The following CATSPERE variants were observed in gnomAD, a reference collection of about 807,000 sequenced individuals.
The protein encoded by CATSPERE is cation channel sperm-associated auxiliary subunit epsilon.
A neutral mutation model predicts 114.1 loss-of-function variants in CATSPERE; 93 were observed. The ratio of observed to expected loss-of-function variants is 0.81; its 90% CI spans 0.69 to 0.97. The LOEUF (loss-of-function observed/expected upper bound fraction) is 0.97, where lower values mean the gene tolerates loss of function less well. Ranked by LOEUF, CATSPERE falls within the 50% of genes least tolerant of loss-of-function variation. CATSPERE has a pLI of 0.00. For missense variants in CATSPERE, 1,058 were observed against 1,131.6 expected, an observed-to-expected ratio of 0.93 and a Z score of 0.93; for synonymous variants, 341 against 384.1, an observed-to-expected ratio of 0.89 and a Z score of 1.31.
At chr1:244,625,353 G>C (rs1185836886) in intron 20 of CATSPERE, among the ~76,000 whole-genome samples, 1 of 46,570 alleles carries the variant, frequency 2.1e-5, no homozygotes, top group Non-Finnish European at 5.7e-5. Flanking sequence ...TTTGTTTTTT[G>C]GGGGGGTTTA....
At chr1:244,527,398 C>G (rs963128447) in intron 8 of CATSPERE, among the ~76,000 whole-genome samples, 1 of 152,224 alleles carries the variant, frequency 6.6e-6, no homozygotes. Context: ...AAATATGGCT[C>G]TGTTCCGCCC....
intron 7 of CATSPERE, among the ~76,000 whole-genome samples, chr1:244,510,755 A>T (rs1051208292): frequency 6.9e-6 from 1 of 145,768 alleles, no homozygotes; most frequent in African/African-American, 2.5e-5. Context: ...CTCCCTTTAG[A>T]TGTAATTATA....
intron 2 of CATSPERE, among the ~76,000 whole-genome samples, chr1:244,469,199 T>A (rs1668069147): frequency 6.6e-6 from 1 of 152,196 alleles, no homozygotes; most frequent in Non-Finnish European, 1.5e-5. Flanking sequence ...TGAACTTACA[T>A]CTTTGAAACT....
intron 19 of CATSPERE, among the ~76,000 whole-genome samples, chr1:244,612,710 G>T (rs2148696840): frequency 6.6e-6 from 1 of 152,252 alleles, no homozygotes; most frequent in African/African-American, 2.4e-5. Context: ...TGCCCAGGCT[G>T]GAGTGCAGTG....
intron 8 of CATSPERE, among the ~76,000 whole-genome samples, chr1:244,546,275 C>T (rs982731750): frequency 2.6e-5 from 4 of 152,280 alleles, no homozygotes; most frequent in African/African-American, 7.2e-5. Context: ...TCAGTGGCTG[C>T]CATGGTCATA....
chr1:244,553,107 A>G (rs1294770876), intron 9 of CATSPERE, among the ~76,000 whole-genome samples: 1 of 152,202 alleles, frequency 6.6e-6, no homozygotes, highest in African/African-American at 2.4e-5. Context: ...TCCCCAAACA[A>G]AGATTATATG....
chr1:244,463,217 T>G (rs964117848), intron 1 of CATSPERE, among the ~76,000 whole-genome samples: 5 of 152,200 alleles, frequency 3.3e-5, no homozygotes, highest in African/African-American at 1.2e-4. Context: ...TAAAATTAAT[T>G]TCACCCATTT....
At chr1:244,461,269 G>C (rs770253769), upstream of CATSPERE, 1 of 531,134 alleles carries the variant, frequency 1.9e-6, no homozygotes. Context: ...GCACGCGCAC[G>C]CGCACACTTC....
chr1:244,509,642 A>C lies in CATSPERE; in HGVS notation c.430-8950A>C, dbSNP rs541893837. 3.3e-5 allele frequency among the ~76,000 whole-genome samples: 5 copies of C among 152,272 alleles called. No individual in the cohort carries two copies. In the South Asian group the frequency reaches 8.3e-4, roughly 25 times the overall value. On this transcript the variant is annotated intron_variant, in intron 7 of 21. Transcript: ENST00000366534. ...CCTTCAAATTTTTGGAATAGTTTGC[A>C]GAGAACCGATATTAGTTATTCTTTA...
chr1:244,557,370 G>T (rs1661741882), intron 9 of CATSPERE, among the ~76,000 whole-genome samples: 1 of 150,168 alleles, frequency 6.7e-6, no homozygotes, highest in African/African-American at 2.4e-5. Flanking sequence ...AAGAATATGA[G>T]ATATCTTTCC....
At chr1:244,639,878 A>G (rs1274553732) in intron 21 of CATSPERE, 50 bp from the exon 22 acceptor site, 1 of 1,483,792 alleles carries the variant, frequency 6.7e-7, no homozygotes, top group Non-Finnish European at 9.0e-7. Context: ...TTAACAGCCA[A>G]AGTGTGAACA....
chr1:244,620,879 G>A (rs553965696), intron 20 of CATSPERE, among the ~76,000 whole-genome samples: 6 of 150,400 alleles, frequency 4.0e-5, no homozygotes, highest in African/African-American at 1.2e-4. Context: ...TAGGACAAAG[G>A]AGGACAAGTG....
intron 8 of CATSPERE, among the ~76,000 whole-genome samples, chr1:244,541,309 A>T (rs1658674486): frequency 6.7e-6 from 1 of 149,300 alleles, no homozygotes; most frequent in South Asian, 2.1e-4. Context: ...CAAATTTACA[A>T]GAAAAAAACA....
At chr1:244,539,940 A>ATT (rs74162769) in intron 8 of CATSPERE, among the ~76,000 whole-genome samples, 2 of 151,070 alleles carry the variant, frequency 1.3e-5, no homozygotes, top group Non-Finnish European at 1.5e-5. Flanking sequence ...GGATTCATTA[A>ATT]TTTTTTTGAA....
At chr1:244,473,100 G>A (rs752854238) in intron 2 of CATSPERE, among the ~76,000 whole-genome samples, 4 of 152,140 alleles carry the variant, frequency 2.6e-5, no homozygotes, top group Admixed American at 6.6e-5. Flanking sequence ...ACAGGTTTTC[G>A]TGTGGACCCC....
At chr1:244,519,941 C>A (rs1043615735) in intron 8 of CATSPERE, among the ~76,000 whole-genome samples, 4 of 152,178 alleles carry the variant, frequency 2.6e-5, no homozygotes, top group African/African-American at 9.7e-5. Context: ...ACTATGATAA[C>A]CCTCACTCAC....
At chr1:244,521,789 C>A (rs570463147) in intron 8 of CATSPERE, among the ~76,000 whole-genome samples, 1 of 152,258 alleles carries the variant, frequency 6.6e-6, no homozygotes, top group African/African-American at 2.4e-5. Context: ...TTGATGAATA[C>A]ATGACCTGAT....
chr1:244,609,483 C>T (rs375735462), intron 18 of CATSPERE, among the ~76,000 whole-genome samples: 7 of 151,596 alleles, frequency 4.6e-5, no homozygotes, highest in East Asian at 1.9e-4. Context: ...CCCGAGTAGC[C>T]GGGGTTACAG....
At position 244,517,828 on chromosome 1, in the gene CATSPERE, A is replaced by G. The variant is rs3006047; in HGVS notation, c.430-764A>G. ...TCTTCAGGAAAGGCCTTCCCTGACC[A>G]TTATTCCTACTTCCCACAATGGGTT... is the stretch of plus-strand genomic sequence containing the variant. On this transcript the variant is annotated intron_variant, in intron 7 of 21. Transcript: ENST00000366534. Among the ~76,000 whole-genome samples the G allele has an allele frequency of 7.3e-3, 1,104 of 151,874 alleles. 25 individuals carry two copies. Among genetic ancestry groups the G allele is most frequent in the African/African-American group, 0.025 (1,029 of 41,264 alleles).
Sources: gnomAD v4.1 joint callset for allele counts (sites outside exome capture counted in the v4.1 genomes callset) on GRCh38, gnomAD v4.1.1 for gene constraint, MANE v1.5 for transcripts, NCBI Gene and HGNC (gene_info 2026-07-23, HGNC 2026-07-21) for gene names.